The following C12orf42 variants were observed in gnomAD, a reference collection of about 807,000 sequenced individuals.
C12orf42 encodes the protein chromosome 12 open reading frame 42.
Under a neutral mutation model 21.6 loss-of-function variants are expected in C12orf42, and 25 were observed. The ratio of observed to expected loss-of-function variants is 1.16; its 90% CI spans 0.84 to 1.62. C12orf42 has a LOEUF of 1.62. Among genes scored for constraint, C12orf42 ranks in the 40% most tolerant of loss-of-function variants. C12orf42 has a pLI of 0.00. For synonymous variants in C12orf42, 174 were observed against 175.0 expected (o/e 0.99, Z 0.05); for missense variants, 483 against 459.3 (o/e 1.05, Z -0.47).
chr12:103,102,515 T>C, the C12orf42 span, among the ~76,000 whole-genome samples: 91 of 152,322 alleles, frequency 6.0e-4, no homozygotes, highest in African/African-American at 2.2e-3. Flanking sequence ...GGTTCTTAGT[T>C]TCTGTTTCTG....
At chr12:103,278,979 CCTT>C (rs2035943454) in intron 4 of C12orf42, among the ~76,000 whole-genome samples, 1 of 152,140 alleles carries the variant, frequency 6.6e-6, no homozygotes, top group Non-Finnish European at 1.5e-5. Context: ...CAGTATTTGT[CCTT>C]CTGTGCCTGG....
At chr12:103,448,785 AAT>A (rs1951740470) in intron 2 of C12orf42, among the ~76,000 whole-genome samples, 1 of 152,000 alleles carries the variant, frequency 6.6e-6, no homozygotes, top group African/African-American at 2.4e-5. Flanking sequence ...TTAAAAAAAA[AAT>A]AGATGTTGGT....
the C12orf42 span, among the ~76,000 whole-genome samples, chr12:103,525,605 T>C: frequency 1.3e-5 from 2 of 152,250 alleles, no homozygotes; most frequent in African/African-American, 2.4e-5. Context: ...TTAATTGTAG[T>C]AACCCCATTA....
chr12:103,064,197 T>A, the C12orf42 span, among the ~76,000 whole-genome samples: 12 of 152,216 alleles, frequency 7.9e-5, no homozygotes, highest in African/African-American at 2.9e-4. Context: ...GGGCAGCACC[T>A]GCATCTTTGC....
chr12:103,204,126 AG>A, the C12orf42 span, among the ~76,000 whole-genome samples: 1 of 152,164 alleles, frequency 6.6e-6, no homozygotes, highest in African/African-American at 2.4e-5. Context: ...GGAGATGCAC[AG>A]GGGAAAAGGA....
intron 3 of C12orf42, among the ~76,000 whole-genome samples, chr12:103,393,152 G>T (rs1426067205): frequency 6.6e-6 from 1 of 152,116 alleles, no homozygotes; most frequent in East Asian, 1.9e-4. Context: ...CCTGAGACCG[G>T]GTAATTTATA....
chr12:103,243,073 G>C (rs967992002), intron 10 of C12orf42, among the ~76,000 whole-genome samples: 5 of 152,058 alleles, frequency 3.3e-5, no homozygotes, highest in Admixed American at 1.3e-4. Context: ...GTTTAGGCTA[G>C]AGTGCAGTGG....
chr12:103,548,970 T>C, the C12orf42 span: 2 of 152,196 alleles, frequency 1.3e-5, no homozygotes, highest in Non-Finnish European at 2.9e-5. Flanking sequence ...CCCGAGCTAG[T>C]CTCACTTCAG....
In C12orf42 at chr12:103,488,490, G is replaced by A. The variant is rs534887977; in HGVS notation, c.-22+7412C>T. 1.2e-4 allele frequency among the ~76,000 whole-genome samples: 19 copies of A among 152,252 alleles called. No individual in the cohort carries two copies. The South Asian group carries it at 3.9e-3, about 32-fold the overall frequency. On this transcript the variant is annotated intron_variant, in intron 1 of 5. Transcript: ENST00000548883. ...TTCTCTGTATTTCCTGAATTTGAAT[G>A]TTGGCCTGCCTTGGTAGGTTGAGGA...
At chr12:103,256,269 G>A (rs1358141057) in intron 10 of C12orf42, among the ~76,000 whole-genome samples, 17 of 149,608 alleles carry the variant, frequency 1.1e-4, no homozygotes, top group Admixed American at 1.1e-3. Flanking sequence ...ATTCTGGGAG[G>A]ATCGTGATGA....
the C12orf42 span, among the ~76,000 whole-genome samples, chr12:103,142,525 G>C: frequency 6.6e-6 from 1 of 152,278 alleles, no homozygotes; most frequent in South Asian, 2.1e-4. Context: ...AAATTTGGTA[G>C]ACTTAATTTT....
chr12:103,330,172 T>C (rs1345579704), intron 4 of C12orf42, among the ~76,000 whole-genome samples: 1 of 152,176 alleles, frequency 6.6e-6, no homozygotes, highest in Non-Finnish European at 1.5e-5. Context: ...TTATTTATTA[T>C]TTTTATAGTG....
At chr12:103,286,840 TG>T in intron 4 of C12orf42, among the ~76,000 whole-genome samples, 1 of 151,798 alleles carries the variant, frequency 6.6e-6, no homozygotes, top group Non-Finnish European at 1.5e-5. Context: ...AGGAATGTGT[TG>T]GGTACGGTAA....
intron 3 of C12orf42, among the ~76,000 whole-genome samples, chr12:103,381,166 A>G (rs557237273): frequency 6.6e-6 from 1 of 152,268 alleles, no homozygotes; most frequent in South Asian, 2.1e-4. Context: ...GGCACTAACA[A>G]CTCCCCAACA....
At position 103,283,255 on chromosome 12, in the gene C12orf42, G is replaced by T. The variant is rs2036241622; in HGVS notation, n.338-6045C>A. Among the ~76,000 whole-genome samples the T allele has an allele frequency of 2.6e-5, 4 of 152,286 alleles. No homozygotes were observed. In the South Asian group the frequency reaches 8.3e-4, roughly 32 times the overall value. ...GCTGCCAGAGAACACCAAAGTCAGT[G>T]AATGGTATCTGTGAATCCATTTGTC... On this transcript the variant is annotated intron_variant and non_coding_transcript_variant, in intron 4 of 6. Transcript: ENST00000546526.
intron 2 of C12orf42, among the ~76,000 whole-genome samples, chr12:103,448,297 A>G (rs1951706934): frequency 6.6e-6 from 1 of 152,124 alleles, no homozygotes; most frequent in South Asian, 2.1e-4. Context: ...TCAACTCAAG[A>G]TGGGTCAAAG....
At chr12:103,104,023 A>G in the C12orf42 span, among the ~76,000 whole-genome samples, 2 of 152,190 alleles carry the variant, frequency 1.3e-5, no homozygotes, top group Non-Finnish European at 2.9e-5. Flanking sequence ...TATATACATC[A>G]TTTTATTTAA....
At chr12:103,186,475 T>C in the C12orf42 span, among the ~76,000 whole-genome samples, 1 of 152,204 alleles carries the variant, frequency 6.6e-6, no homozygotes, top group Non-Finnish European at 1.5e-5. Flanking sequence ...TCAAAAGTGA[T>C]TTTTCATTAT....
At chr12:103,073,797 A>G in the C12orf42 span, among the ~76,000 whole-genome samples, 2 of 152,196 alleles carry the variant, frequency 1.3e-5, no homozygotes, top group Non-Finnish European at 2.9e-5. Context: ...ATTTATGTTA[A>G]TTGAGTCTCA....
Sources: gnomAD v4.1 joint callset for allele counts (sites outside exome capture counted in the v4.1 genomes callset) on GRCh38, gnomAD v4.1.1 for gene constraint, MANE v1.5 for transcripts, NCBI Gene and HGNC (gene_info 2026-07-23, HGNC 2026-07-21) for gene names.